WDR7: variants seen among roughly 807,000 people sequenced by gnomAD.
WDR7 encodes the protein WD repeat domain 7.
A neutral mutation model predicts 169.4 loss-of-function variants in WDR7; 46 were observed. That is an observed-to-expected ratio of 0.27 (90% confidence interval 0.21 to 0.35). The LOEUF (loss-of-function observed/expected upper bound fraction) is 0.35. Ranked by LOEUF, WDR7 falls within the 10% of genes least tolerant of loss-of-function variation. WDR7 has a pLI of 1.00. For synonymous variants in WDR7, 612 were observed against 666.8 expected (o/e 0.92, Z 1.27); for missense variants, 1,534 against 1,859.3 (o/e 0.83, Z 3.22).
At chr18:56,830,544 T>A (rs1215038139) in intron 20 of WDR7, among the ~76,000 whole-genome samples, 2 of 152,226 alleles carry the variant, frequency 1.3e-5, no homozygotes. Context: ...TCACTAGTAA[T>A]AATCACCATC....
At chr18:56,913,262 G>A (rs539855228) in intron 21 of WDR7, among the ~76,000 whole-genome samples, 24 of 152,162 alleles carry the variant, frequency 1.6e-4, no homozygotes, top group African/African-American at 5.5e-4. Flanking sequence ...AATGTTTGAT[G>A]CGTATCTAAA....
intron 19 of WDR7, among the ~76,000 whole-genome samples, chr18:56,789,379 A>G (rs558497148): frequency 1.3e-5 from 2 of 152,368 alleles, no homozygotes; most frequent in East Asian, 3.9e-4. Flanking sequence ...TTAATTCTGT[A>G]TGTTAGGAGC....
At chr18:56,947,983 G>A (rs1010442296) in intron 25 of WDR7, among the ~76,000 whole-genome samples, 1 of 152,064 alleles carries the variant, frequency 6.6e-6, no homozygotes, top group African/African-American at 2.4e-5. Context: ...TACGGTGATT[G>A]TATTATGATC....
intron 20 of WDR7, among the ~76,000 whole-genome samples, chr18:56,850,904 G>A (rs1180149584): frequency 6.6e-6 from 1 of 152,098 alleles, no homozygotes; most frequent in African/African-American, 2.4e-5. Context: ...ATTCCAGCCA[G>A]AATCCTGGGA....
At chr18:56,679,487 G>A (rs1420548385) in intron 3 of WDR7, 49 bp downstream of exon 3, 2 of 1,384,626 alleles carry the variant, frequency 1.4e-6, no homozygotes, top group Non-Finnish European at 1.0e-6. Context: ...TTTATAACTA[G>A]CACCAATGCC....
At chr18:56,794,302 C>CTTTTTTTT (rs1217568621) in intron 19 of WDR7, among the ~76,000 whole-genome samples, 2 of 29,464 alleles carry the variant, frequency 6.8e-5, no homozygotes, top group Non-Finnish European at 9.1e-5. Flanking sequence ...AAGGTAAAGT[C>CTTTTTTTT]TATTTTTTTT....
downstream of WDR7, chr18:57,033,553 A>G (rs908880771): frequency 1.3e-5 from 2 of 152,180 alleles, no homozygotes; most frequent in Non-Finnish European, 2.9e-5. Context: ...AGTGTTTTCC[A>G]TGTTTCATTT....
intron 20 of WDR7, among the ~76,000 whole-genome samples, chr18:56,846,399 G>A (rs1224187382): frequency 6.6e-6 from 1 of 152,064 alleles, no homozygotes; most frequent in Non-Finnish European, 1.5e-5. Flanking sequence ...TATCCTCATG[G>A]TAGTGAATAA....
intron 20 of WDR7, among the ~76,000 whole-genome samples, chr18:56,849,228 A>G (rs1221100681): frequency 6.6e-6 from 1 of 152,104 alleles, no homozygotes; most frequent in East Asian, 1.9e-4. Flanking sequence ...TATCAGGATC[A>G]CTAGTGACCT....
chr18:57,026,907 T>G lies in WDR7; in HGVS notation c.4270-97T>G, dbSNP rs1312261023. On this transcript the variant is annotated intron_variant, in intron 27 of 27. Coordinates refer to ENST00000254442, the MANE Select transcript of WDR7 (RefSeq NM_015285.3). ...CTTAGGTGAAGGAGAATAACCATGA[T>G]GGAGGGGAAAGTAGCCAGGAGAGAT... 4 of 1,258,238 alleles carry G rather than the reference T, an allele frequency of 3.2e-6. No homozygotes were observed. The African/African-American group carries it at 5.9e-5, about 19-fold the overall frequency. The allele number at this position is 1,258,238 out of a possible 1,614,324, so 77.9% of individuals were successfully genotyped here.
chr18:56,737,227 G>A (rs535288661), intron 14 of WDR7, among the ~76,000 whole-genome samples: 50 of 152,278 alleles, frequency 3.3e-4, no homozygotes, highest in African/African-American at 1.1e-3. Context: ...GATATTTGGC[G>A]AATGCATACA....
intron 25 of WDR7, among the ~76,000 whole-genome samples, chr18:56,960,133 C>T (rs2047319813): frequency 6.6e-6 from 1 of 152,144 alleles, no homozygotes; most frequent in South Asian, 2.1e-4. Flanking sequence ...TAGTAAATTC[C>T]AAAGAATGAA....
intron 18 of WDR7, among the ~76,000 whole-genome samples, chr18:56,781,094 A>G (rs905781631): frequency 6.6e-6 from 1 of 152,184 alleles, no homozygotes; most frequent in Non-Finnish European, 1.5e-5. Context: ...TCTACTTAGC[A>G]TATATAATAT....
Position 56,948,442 on chromosome 18 carries a change from C to G in WDR7, c.4064+9049C>G, listed in dbSNP as rs538324209. Among the ~76,000 whole-genome samples, 3 of 151,998 alleles carry G rather than the reference C, an allele frequency of 2.0e-5. No homozygotes were observed. In the South Asian group the frequency reaches 6.2e-4, roughly 32 times the overall value. Reference sequence around the variant, plus strand: ...AAAAAAAAAGATCCTTTGTTGGGCTCTGTCCCAATTTTTAGTTTAAAAAAA... The same window carrying G: ...AAAAAAAAAGATCCTTTGTTGGGCTGTGTCCCAATTTTTAGTTTAAAAAAA... On this transcript the variant is annotated intron_variant, in intron 25 of 27. Transcript: ENST00000254442.
At chr18:56,744,235 T>G in intron 14 of WDR7, among the ~76,000 whole-genome samples, 2 of 104,142 alleles carry the variant, frequency 1.9e-5, no homozygotes, top group African/African-American at 3.6e-5. Context: ...CGAGACTCCG[T>G]CTCAAAAAAG....
At chr18:56,753,853 A>G (rs770429468) in intron 14 of WDR7, among the ~76,000 whole-genome samples, 1 of 151,990 alleles carries the variant, frequency 6.6e-6, no homozygotes, top group Admixed American at 6.6e-5. Flanking sequence ...TCAGACTGTA[A>G]TGGACCTTGA....
chr18:56,670,996 C>T (rs2144514294), intron 1 of WDR7, among the ~76,000 whole-genome samples: 1 of 152,212 alleles, frequency 6.6e-6, no homozygotes, highest in East Asian at 1.9e-4. Flanking sequence ...CAGTTTTTAA[C>T]CCCTAAATAT....
intron 2 of WDR7, 50 bp from the exon 3 acceptor site, chr18:56,679,282 G>A (rs1333947824): frequency 1.4e-6 from 2 of 1,480,544 alleles, no homozygotes; most frequent in Non-Finnish European, 1.9e-6. Context: ...TCAAATAGAA[G>A]GTTAATTTTT....
intron 1 of WDR7, among the ~76,000 whole-genome samples, chr18:56,666,391 C>T (rs146892517): frequency 0.011 from 1,730 of 151,724 alleles, 41 homozygotes; most frequent in African/African-American, 0.04. Context: ...TTAGTAGAGA[C>T]GGGGTTTCTC....
Sources: allele counts gnomAD v4.1 joint callset (sites outside exome capture counted in the v4.1 genomes callset), GRCh38; gene constraint gnomAD v4.1.1; transcripts MANE v1.5; gene names NCBI Gene and HGNC (gene_info 2026-07-23, HGNC 2026-07-21).